PARVA: variants seen among roughly 807,000 people sequenced by gnomAD.
PARVA encodes the protein parvin alpha, also known as alpha-parvin.
In PARVA, 25 loss-of-function variants were observed where a neutral mutation model predicts 52.6. The ratio of observed to expected loss-of-function variants is 0.48; its 90% CI spans 0.35 to 0.66. The LOEUF (loss-of-function observed/expected upper bound fraction) is 0.66. PARVA is among the 30% of genes least tolerant of loss of function. The pLI is 0.01. For missense variants in PARVA, 373 were observed against 450.9 expected, an observed-to-expected ratio of 0.83 and a Z score of 1.56; for synonymous variants, 185 against 179.1, an observed-to-expected ratio of 1.03 and a Z score of -0.26.
rs1456574035 is a variant in PARVA at position 12,477,908 on chromosome 11, C to A, written c.359C>A (p.Ala120Asp). Residue 120 changes from alanine to aspartate, a missense_variant, in exon 4 of 13, where the codon GCT becomes GAT. Ala to Asp is a moderately radical substitution (Grantham distance 126, BLOSUM62 -2). Transcript: ENST00000334956. ...GAAAGAATCATTGTGAAAGACCTAG[C>A]TGAAGATTTGTATGATGGACAAGTC... ...VGERIIVKDL[A>D]EDLYDGQVLQ... The A allele has an allele frequency of 3.1e-6, 5 of 1,610,866 alleles. No homozygotes were observed. In the Admixed American group the frequency reaches 8.3e-5, roughly 27 times the overall value.
intron 4 of PARVA, among the ~76,000 whole-genome samples, chr11:12,485,704 T>C (rs980822207): frequency 6.6e-6 from 1 of 152,156 alleles, no homozygotes; most frequent in African/African-American, 2.4e-5. Context: ...TGTGTAGATA[T>C]AACCCCTTCA....
rs571585737 is a variant in PARVA at position 12,468,694 on chromosome 11, AG to A, written c.137-5050del. Among the ~76,000 whole-genome samples the A allele has an allele frequency of 4.6e-5, 7 of 152,342 alleles. No individual in the cohort carries two copies. In the East Asian group the frequency reaches 1.2e-3, roughly 25 times the overall value. On this transcript the variant is annotated intron_variant, in intron 1 of 12. Transcript: ENST00000334956. ...GGGTTGTGGCTTAATAGTATCAACAAGAACCCCATCTTTCTATATTTTTTCT... is the reference window on the plus strand; with the variant it reads ...GGGTTGTGGCTTAATAGTATCAACAAAACCCCATCTTTCTATATTTTTTCT...
chr11:12,380,433 T>C (rs1211832999), intron 1 of PARVA, among the ~76,000 whole-genome samples: 1 of 150,656 alleles, frequency 6.6e-6, no homozygotes, highest in Non-Finnish European at 1.5e-5. Context: ...GCAGCTACTG[T>C]CCGAAATATG....
rs1036136573 is a variant in PARVA at position 12,535,151 on chromosome 11, T to C, written c.*7226T>C. 6.6e-6 allele frequency among the ~76,000 whole-genome samples: 1 copy of C among 152,326 alleles called. No individual in the cohort carries two copies. The highest frequency in any genetic ancestry group is 1.5e-5 in the Non-Finnish European group (1 of 68,032). On this transcript the variant is annotated 3_prime_UTR_variant, in exon 13 of 13. Coordinates refer to ENST00000334956, the MANE Select transcript of PARVA (RefSeq NM_018222.5). Reference sequence around the variant, plus strand: ...CATTGGTTCTCCCAGCTCACTTCCATAATGTCCTCCTAGGCTGCATTGGAA... The same window carrying C: ...CATTGGTTCTCCCAGCTCACTTCCACAATGTCCTCCTAGGCTGCATTGGAA...
intron 10 of PARVA, among the ~76,000 whole-genome samples, chr11:12,516,076 C>T (rs1313733806): frequency 2.0e-5 from 3 of 152,196 alleles, no homozygotes; most frequent in Admixed American, 6.5e-5. Context: ...TGAGCTCAAG[C>T]GATCCGCCTG....
At chr11:12,424,347 T>G (rs1940196416) in intron 1 of PARVA, among the ~76,000 whole-genome samples, 1 of 151,836 alleles carries the variant, frequency 6.6e-6, no homozygotes, top group East Asian at 2.0e-4. Flanking sequence ...TCTATTTATT[T>G]TTCATCGTGT....
intron 1 of PARVA, among the ~76,000 whole-genome samples, chr11:12,411,584 T>C (rs922189083): frequency 8.5e-5 from 13 of 152,322 alleles, no homozygotes; most frequent in Admixed American, 4.6e-4. Flanking sequence ...TTCCTTGTTT[T>C]TGATGGCCTC....
chr11:12,388,358 C>G (rs1939608762), intron 1 of PARVA, among the ~76,000 whole-genome samples: 1 of 152,236 alleles, frequency 6.6e-6, no homozygotes, highest in Non-Finnish European at 1.5e-5. Context: ...CCTGCCAAAG[C>G]CTTAGTAAAC....
rs1005220537 is a variant in PARVA at position 12,534,644 on chromosome 11, C to T, written c.*6719C>T. 1.3e-5 allele frequency among the ~76,000 whole-genome samples: 2 copies of T among 152,150 alleles called. No homozygotes were observed. The highest frequency in any genetic ancestry group is 4.8e-5 in the African/African-American group (2 of 41,400). Reference sequence around the variant, plus strand: ...GACACACAAATGTCATTAAGGCAACCGCTTAAAGGAGTGTGATATTTTATT... The same window carrying T: ...GACACACAAATGTCATTAAGGCAACTGCTTAAAGGAGTGTGATATTTTATT... On this transcript the variant is annotated 3_prime_UTR_variant, in exon 13 of 13. Transcript: ENST00000334956.
At chr11:12,491,661 A>C (rs1279942715) in intron 4 of PARVA, among the ~76,000 whole-genome samples, 1 of 152,226 alleles carries the variant, frequency 6.6e-6, no homozygotes, top group East Asian at 1.9e-4. Flanking sequence ...AGGAAAATAT[A>C]GAAATTTTAA....
upstream of PARVA, chr11:12,377,215 C>T (rs897110968): frequency 9.1e-6 from 3 of 327,914 alleles, no homozygotes; most frequent in African/African-American, 6.5e-5. Context: ...AGAGCGAGCT[C>T]ACCAGCCGCC....
intron 12 of PARVA, among the ~76,000 whole-genome samples, chr11:12,521,294 T>G (rs1397618653): frequency 6.6e-6 from 1 of 152,190 alleles, no homozygotes; most frequent in African/African-American, 2.4e-5. Flanking sequence ...ATGGAAAATG[T>G]TCAACTCCCC....
In PARVA at chr11:12,477,949, G is replaced by C. The variant is rs781591602; in HGVS notation, c.400G>C (p.Glu134Gln). ...YDGQVLQKLF[E>Q]KLESEKLNVA... ...TGGACAAGTCCTGCAGAAGCTTTTC[G>C]GTAGGAGAGTTGAGTGCTGCAATGG... Residue 134 changes from glutamate (E) to glutamine (Q), a missense_variant and splice_region_variant, in exon 4 of 13, where the codon GAG (glutamate) becomes CAG (glutamine). Coordinates refer to ENST00000334956, the MANE Select transcript of PARVA (RefSeq NM_018222.5). 1 of 1,554,040 alleles carries C rather than the reference G, an allele frequency of 6.4e-7. No homozygotes were observed. The highest frequency in any genetic ancestry group is 1.4e-5 in the African/African-American group (1 of 73,680).
intron 1 of PARVA, among the ~76,000 whole-genome samples, chr11:12,423,773 G>A (rs1419618808): frequency 6.6e-6 from 1 of 152,120 alleles, no homozygotes; most frequent in Non-Finnish European, 1.5e-5. Context: ...CATGTCCTCA[G>A]GACTTATAAG....
chr11:12,430,970 T>C (rs764017245), intron 1 of PARVA, among the ~76,000 whole-genome samples: 2 of 152,148 alleles, frequency 1.3e-5, no homozygotes, highest in African/African-American at 2.4e-5. Flanking sequence ...TTCGAGAAAT[T>C]TGACAAAAAC....
chr11:12,450,601 G>A (rs909110225), intron 1 of PARVA, among the ~76,000 whole-genome samples: 2 of 152,166 alleles, frequency 1.3e-5, no homozygotes, highest in Admixed American at 6.5e-5. Flanking sequence ...AAGGAGAATT[G>A]ACTCACACTC....
At chr11:12,526,995 C>G (rs144835356) in intron 12 of PARVA, among the ~76,000 whole-genome samples, 158 of 152,274 alleles carry the variant, frequency 1.0e-3, no homozygotes, top group African/African-American at 2.8e-3. Flanking sequence ...AGCCTGCCAG[C>G]TGCCAGTTTC....
chr11:12,389,384 A>G (rs1939625248), intron 1 of PARVA, among the ~76,000 whole-genome samples: 1 of 152,076 alleles, frequency 6.6e-6, no homozygotes, highest in South Asian at 2.1e-4. Context: ...TTCCCCTCTG[A>G]GCCCTCGCCA....
At chr11:12,493,540 C>T (rs1166371423) in intron 4 of PARVA, among the ~76,000 whole-genome samples, 1 of 150,754 alleles carries the variant, frequency 6.6e-6, no homozygotes, top group African/African-American at 2.4e-5. Context: ...AGCAGAATTA[C>T]ATTTTATAAA....
Sources: gnomAD v4.1 joint callset for allele counts (sites outside exome capture counted in the v4.1 genomes callset) on GRCh38, gnomAD v4.1.1 for gene constraint, MANE v1.5 for transcripts, NCBI Gene and HGNC (gene_info 2026-07-23, HGNC 2026-07-21) for gene names.